The following ACACA variants were observed in gnomAD, a reference collection of about 807,000 sequenced individuals.
ACACA encodes acetyl-CoA carboxylase alpha.
ACACA carries 103 observed loss-of-function variants against 296.1 expected under a neutral mutation model. The ratio of observed to expected loss-of-function variants is 0.35; its 90% CI spans 0.30 to 0.41. The LOEUF is 0.41. ACACA is among the 10% of genes least tolerant of loss of function. The pLI, the probability that ACACA is intolerant of heterozygous loss-of-function variation, is 1.00. For missense variants in ACACA, 1,554 were observed against 2,989.7 expected, an observed-to-expected ratio of 0.52 and a Z score of 11.20; for synonymous variants, 953 against 1,038.6, an observed-to-expected ratio of 0.92 and a Z score of 1.58.
In ACACA at chr17:37,085,336, CAT is replaced by C; in HGVS notation, c.*1978_*1979del. ...GCATTACAGGGTTCTAGAGAGGAAA[CAT>C]ACTCGTTTGTGTCATAATTTGGTGG... On this transcript the variant is annotated 3_prime_UTR_variant, in exon 56 of 56. Coordinates refer to ENST00000616317, the MANE Select transcript of ACACA (RefSeq NM_198834.3). 3.0e-6 allele frequency: 1 copy of C among 329,276 alleles called. No individual in the cohort carries two copies. The highest frequency in any genetic ancestry group is 5.5e-6 in the Non-Finnish European group (1 of 182,580). 20.4% of individuals were successfully genotyped at this position (329,276 alleles called of 1,614,324 possible).
At chr17:37,393,671 G>T (rs1396318016) in intron 1 of ACACA, among the ~76,000 whole-genome samples, 1 of 151,922 alleles carries the variant, frequency 6.6e-6, no homozygotes, top group Non-Finnish European at 1.5e-5. Context: ...GGTGAAACCC[G>T]TCTCTACTAA....
At chr17:37,232,315 A>G (rs1328473406) in intron 25 of ACACA, among the ~76,000 whole-genome samples, 1 of 152,216 alleles carries the variant, frequency 6.6e-6, no homozygotes, top group African/African-American at 2.4e-5. Context: ...ATAACCATCA[A>G]TCAGGAAGCC....
intron 54 of ACACA, among the ~76,000 whole-genome samples, chr17:37,096,059 T>C (rs1488116899): frequency 6.6e-6 from 1 of 152,208 alleles, no homozygotes; most frequent in Non-Finnish European, 1.5e-5. Context: ...GGGTGGATAC[T>C]TCCTTCCATC....
At chr17:37,148,675 G>A (rs1331017945) in intron 45 of ACACA, among the ~76,000 whole-genome samples, 1 of 152,116 alleles carries the variant, frequency 6.6e-6, no homozygotes, top group Non-Finnish European at 1.5e-5. Flanking sequence ...AATCATGTTA[G>A]AGAGAGGAAC....
At chr17:37,174,105 C>T (rs535384111) in intron 41 of ACACA, among the ~76,000 whole-genome samples, 4 of 140,012 alleles carry the variant, frequency 2.9e-5, no homozygotes, top group Non-Finnish European at 6.1e-5. Flanking sequence ...AAGTGATCCG[C>T]CGACCTTGGT....
chr17:37,268,729 C>CTATATATA (rs1212218965), intron 10 of ACACA, among the ~76,000 whole-genome samples: 48 of 110,988 alleles, frequency 4.3e-4, no homozygotes, highest in African/African-American at 1.8e-3. Context: ...ATCTATCTAT[C>CTATATATA]TATCTATCTA....
chr17:37,130,861 G>C (rs2075059424), intron 45 of ACACA, among the ~76,000 whole-genome samples: 3 of 150,358 alleles, frequency 2.0e-5, no homozygotes, highest in African/African-American at 4.9e-5. Flanking sequence ...TGGGGGCTTA[G>C]GTTCCTCATT....
intron 41 of ACACA, 55 bp from the exon 42 acceptor site, chr17:37,162,105 T>C: frequency 6.3e-7 from 1 of 1,595,084 alleles, no homozygotes; most frequent in Non-Finnish European, 8.6e-7. Flanking sequence ...CAGAATTTTT[T>C]TCAGGTTCAT....
intron 4 of ACACA, among the ~76,000 whole-genome samples, chr17:37,283,978 C>A (rs914290154): frequency 1.3e-5 from 2 of 152,202 alleles, no homozygotes; most frequent in African/African-American, 4.8e-5. Context: ...GTCTCCTTAC[C>A]TATCTTGCAG....
rs1259240091 is a variant in ACACA, at chr17:37,087,070, G to A, written c.*246C>T. 2 of 601,290 alleles carry A rather than the reference G, an allele frequency of 3.3e-6. No individual in the cohort carries two copies. The highest frequency in any genetic ancestry group is 4.5e-4 in the Middle Eastern group (1 of 2,234). 37.2% of individuals were successfully genotyped at this position (601,290 alleles called of 1,614,324 possible). A position where few individuals can be genotyped will look rare whatever the true frequency, so the allele number is the denominator to read the frequency against. ...TTGCCTTCTCAGTCCTGTGCAGGGA[G>A]TGGAGGACTAGGCCTGGCCAGGGTA... On this transcript the variant is annotated 3_prime_UTR_variant, in exon 56 of 56. Coordinates refer to ENST00000616317, the MANE Select transcript of ACACA (RefSeq NM_198834.3).
At chr17:37,165,096 T>C (rs1487145364) in intron 41 of ACACA, among the ~76,000 whole-genome samples, 1 of 152,050 alleles carries the variant, frequency 6.6e-6, no homozygotes, top group East Asian at 1.9e-4. Context: ...CCAAAGTATG[T>C]TGCTCATCGA....
intron 1 of ACACA, among the ~76,000 whole-genome samples, chr17:37,391,133 G>T (rs2050865227): frequency 6.6e-6 from 1 of 152,160 alleles, no homozygotes; most frequent in Admixed American, 6.5e-5. Flanking sequence ...AGCTACTCAG[G>T]AGGCTGAGGC....
chr17:37,208,586 A>G (rs148216379), intron 30 of ACACA, among the ~76,000 whole-genome samples: 3 of 152,356 alleles, frequency 2.0e-5, no homozygotes, highest in African/African-American at 4.8e-5. Context: ...AAAAGGGCAG[A>G]GCATGGGTCT....
rs566459911 is a variant in ACACA, at chr17:37,117,372, A to T, written c.6274+3983T>A. Among the ~76,000 whole-genome samples the T allele has an allele frequency of 3.9e-5, 6 of 152,210 alleles. No individual in the cohort carries two copies. In the East Asian group the frequency reaches 7.7e-4, roughly 20 times the overall value. On this transcript the variant is annotated intron_variant, in intron 50 of 55. Coordinates refer to ENST00000616317, the MANE Select transcript of ACACA (RefSeq NM_198834.3). ...TCATTCCAGTTAAAGTTTTCAATAA[A>T]TTTTTTTTATTGTTATTTATAACCT... is the stretch of plus-strand genomic sequence containing the variant.
chr17:37,093,134 T>C (rs1708165692), intron 54 of ACACA, among the ~76,000 whole-genome samples: 1 of 152,216 alleles, frequency 6.6e-6, no homozygotes, highest in Non-Finnish European at 1.5e-5. Flanking sequence ...TATTCATCAG[T>C]AGCCTGAGGC....
chr17:37,188,166 C>T, intron 39 of ACACA, 111 bp downstream of exon 39: 1 of 1,052,188 alleles, frequency 9.5e-7, no homozygotes, highest in Non-Finnish European at 1.4e-6. Context: ...AGAGGATAAT[C>T]CCACCAGGTG....
At chr17:37,386,267 G>A in intron 1 of ACACA, 1 of 599,888 alleles carries the variant, frequency 1.7e-6, no homozygotes, top group South Asian at 2.6e-5. Flanking sequence ...AATGTACATT[G>A]AAAAATCATT....
At chr17:37,159,681 C>T in intron 42 of ACACA, among the ~76,000 whole-genome samples, 1 of 152,166 alleles carries the variant, frequency 6.6e-6, no homozygotes, top group African/African-American at 2.4e-5. Context: ...ATATAATTTA[C>T]ATGCAATAAA....
At chr17:37,160,632 GGA>G (rs1255033177) in intron 42 of ACACA, among the ~76,000 whole-genome samples, 1 of 152,178 alleles carries the variant, frequency 6.6e-6, no homozygotes, top group Non-Finnish European at 1.5e-5. Context: ...GGAGCAGAAT[GGA>G]GAGAGTTGGA....
Sources: allele counts gnomAD v4.1 joint callset (sites outside exome capture counted in the v4.1 genomes callset), GRCh38; gene constraint gnomAD v4.1.1; transcripts MANE v1.5; gene names NCBI Gene and HGNC (gene_info 2026-07-23, HGNC 2026-07-21).